Variants in GALNT13 observed in about 807,000 individuals in gnomAD.
GALNT13 encodes polypeptide N-acetylgalactosaminyltransferase 13.
A neutral mutation model predicts 64.2 loss-of-function variants in GALNT13; 28 were observed. That is an observed-to-expected ratio of 0.44 (90% confidence interval 0.32 to 0.60). The LOEUF is 0.60. GALNT13 is among the 20% of genes least tolerant of loss of function. GALNT13 has a pLI of 0.05. For synonymous variants in GALNT13, 214 were observed against 224.6 expected, an observed-to-expected ratio of 0.95 and a Z score of 0.42; for missense variants, 577 against 669.8, an observed-to-expected ratio of 0.86 and a Z score of 1.53.
At chr2:154,299,690 C>T (rs547064814) in intron 8 of GALNT13, among the ~76,000 whole-genome samples, 1 of 151,134 alleles carries the variant, frequency 6.6e-6, no homozygotes, top group African/African-American at 2.4e-5. Flanking sequence ...GTCTCGATCT[C>T]TTGACCTCGT....
chr2:154,310,952 A>ATAGAATATTCTAAGAATATATATTCG (rs1693999028), intron 9 of GALNT13, among the ~76,000 whole-genome samples: 1 of 151,712 alleles, frequency 6.6e-6, no homozygotes, highest in Non-Finnish European at 1.5e-5. Context: ...ATATATATTC[A>ATAGAATATTCTAAGAATATATATTCG]TAGAATATTC....
chr2:153,417,612 G>A, the GALNT13 span, among the ~76,000 whole-genome samples: 75 of 152,274 alleles, frequency 4.9e-4, 1 homozygote, highest in South Asian at 0.014. Context: ...TTGTAAAAAA[G>A]GAGAGTCTAT....
chr2:154,371,910 A>G (rs959962637), intron 9 of GALNT13, among the ~76,000 whole-genome samples: 1 of 152,076 alleles, frequency 6.6e-6, no homozygotes, highest in African/African-American at 2.4e-5. Context: ...CCATTAATCT[A>G]TTTAATACAG....
At chr2:154,251,722 A>C (rs1252957255) in intron 7 of GALNT13, among the ~76,000 whole-genome samples, 2 of 152,184 alleles carry the variant, frequency 1.3e-5, no homozygotes, top group Admixed American at 6.5e-5. Context: ...TATCAGTAAA[A>C]ACTTTAATTA....
chr2:153,261,640 G>A, the GALNT13 span, among the ~76,000 whole-genome samples: 22 of 152,184 alleles, frequency 1.4e-4, no homozygotes, highest in Admixed American at 3.3e-4. Context: ...TGAAGCCAGC[G>A]TACCACTGGG....
the GALNT13 span, among the ~76,000 whole-genome samples, chr2:153,267,991 G>C: frequency 6.6e-6 from 1 of 152,156 alleles, no homozygotes; most frequent in Non-Finnish European, 1.5e-5. Context: ...TTCAAGGTGA[G>C]ATTTGGGTAG....
chr2:153,397,739 T>C, the GALNT13 span, among the ~76,000 whole-genome samples: 1 of 152,002 alleles, frequency 6.6e-6, no homozygotes, highest in East Asian at 1.9e-4. Flanking sequence ...TAACTGCTGG[T>C]TGGTATCCAG....
chr2:153,803,147 C>CCA, the GALNT13 span, among the ~76,000 whole-genome samples: 1 of 152,140 alleles, frequency 6.6e-6, no homozygotes, highest in South Asian at 2.1e-4. Context: ...CCCCTCAGGA[C>CCA]CACAGTCTAT....
At chr2:153,654,634 A>C in the GALNT13 span, among the ~76,000 whole-genome samples, 1 of 152,146 alleles carries the variant, frequency 6.6e-6, no homozygotes, top group East Asian at 1.9e-4. Flanking sequence ...TATTTGAAAA[A>C]ATAATAACAA....
At chr2:153,193,211 A>T in the GALNT13 span, among the ~76,000 whole-genome samples, 1 of 151,846 alleles carries the variant, frequency 6.6e-6, no homozygotes, top group Non-Finnish European at 1.5e-5. Context: ...AATGTCCAAC[A>T]ATGATAGACT....
At chr2:153,842,678 G>GT in the GALNT13 span, among the ~76,000 whole-genome samples, 1 of 151,058 alleles carries the variant, frequency 6.6e-6, no homozygotes, top group South Asian at 2.1e-4. Context: ...GAATGCAAAA[G>GT]TAAAAACTAA....
chr2:153,254,906 G>T, the GALNT13 span, among the ~76,000 whole-genome samples: 1 of 152,088 alleles, frequency 6.6e-6, no homozygotes, highest in South Asian at 2.1e-4. Flanking sequence ...GTCAATTTTG[G>T]AATAGGTGTG....
the GALNT13 span, among the ~76,000 whole-genome samples, chr2:153,412,144 C>T: frequency 4.6e-5 from 7 of 152,164 alleles, 1 homozygote; most frequent in Non-Finnish European, 7.4e-5. Flanking sequence ...TCTTCTTGCT[C>T]CTCAAGCTTG....
intron 11 of GALNT13, among the ~76,000 whole-genome samples, chr2:154,428,979 G>T (rs1700591157): frequency 6.6e-6 from 1 of 152,040 alleles, no homozygotes; most frequent in Non-Finnish European, 1.5e-5. Context: ...TAACAACAGT[G>T]AACTTAACTG....
the GALNT13 span, among the ~76,000 whole-genome samples, chr2:153,373,204 T>C: frequency 1.3e-5 from 2 of 151,806 alleles, no homozygotes; most frequent in Non-Finnish European, 2.9e-5. Flanking sequence ...TTGTAGGCAA[T>C]CATTACTTCC....
chr2:153,082,571 G>GTT, the GALNT13 span, among the ~76,000 whole-genome samples: 17 of 50,162 alleles, frequency 3.4e-4, no homozygotes, highest in African/African-American at 1.4e-3. Flanking sequence ...ATTTAGGCTG[G>GTT]TTTATATATA....
chr2:153,271,455 A>G, the GALNT13 span, among the ~76,000 whole-genome samples: 1 of 152,334 alleles, frequency 6.6e-6, no homozygotes, highest in Admixed American at 6.5e-5. Flanking sequence ...CAAAAATCAC[A>G]AGCATTCCTA....
the GALNT13 span, among the ~76,000 whole-genome samples, chr2:153,418,370 A>G: frequency 1.3e-5 from 2 of 152,156 alleles, no homozygotes; most frequent in Non-Finnish European, 2.9e-5. Flanking sequence ...TGTAAGATAA[A>G]TTTGTGTTGC....
chr2:153,914,902 C>G (rs1482787698), intron 2 of GALNT13, among the ~76,000 whole-genome samples: 1 of 152,078 alleles, frequency 6.6e-6, no homozygotes, highest in Admixed American at 6.6e-5. Context: ...TATACTACTC[C>G]TGGTGGGGGA....
Sources: gnomAD v4.1 joint callset for allele counts (sites outside exome capture counted in the v4.1 genomes callset) on GRCh38, gnomAD v4.1.1 for gene constraint, MANE v1.5 for transcripts, NCBI Gene and HGNC (gene_info 2026-07-23, HGNC 2026-07-21) for gene names.